The following ESD variants were observed in gnomAD, a reference collection of about 807,000 sequenced individuals.
ESD encodes the protein esterase D, also known as S-formylglutathione hydrolase.
Under a neutral mutation model 38.1 loss-of-function variants are expected in ESD, and 34 were observed. That is an observed-to-expected ratio of 0.89 (90% confidence interval 0.68 to 1.19). The LOEUF (loss-of-function observed/expected upper bound fraction) is 1.19, where lower values mean the gene tolerates loss of function less well. Ranked by LOEUF, ESD falls within the 50% of genes most tolerant of loss-of-function variation. ESD has a pLI of 0.00. For synonymous variants in ESD, 97 were observed against 107.0 expected (o/e 0.91, Z 0.58); for missense variants, 334 against 327.2 (o/e 1.02, Z -0.16).
At position 46,780,890 on chromosome 13, in the gene ESD, G is replaced by T. The variant is rs1437758299; in HGVS notation, c.501+606C>A. The stretch of plus-strand genomic sequence containing the variant: ...CAGCCCTGTAAATTTAAAGGCAGAA[G>T]AAATTTTAAGATGCTAGTTGCTTTA... On this transcript the variant is annotated intron_variant, in intron 7 of 9. Transcript: ENST00000378720. Among the ~76,000 whole-genome samples the T allele has an allele frequency of 1.1e-4, 17 of 151,826 alleles. No homozygotes were observed. In the East Asian group the frequency reaches 3.1e-3, roughly 28 times the overall value.
At position 46,784,263 on chromosome 13, in the gene ESD, T is replaced by C; in HGVS notation, c.245A>G (p.Asp82Gly). 1.2e-6 allele frequency: 2 copies of C among 1,611,422 alleles called. No homozygotes were observed. The highest frequency in any genetic ancestry group is 1.7e-6 in the Non-Finnish European group (2 of 1,178,412). The stretch of plus-strand genomic sequence containing the variant: ...CCACAAACACTTACGAGGGCTGGTA[T>C]CTGGAGCAATGACAACAAGACCATG... ...SEHGLVVIAP[D>G]TSPRGCNIKG... Residue 82 changes from aspartate (D) to glycine (G), a missense_variant, in exon 5 of 10, where the codon GAT becomes GGT. By Grantham distance (94) the Asp-to-Gly change is moderately conservative. Coordinates refer to ENST00000378720, the MANE Select transcript of ESD (RefSeq NM_001984.2).
chr13:46,789,187 T>C (rs1875304640), intron 3 of ESD, among the ~76,000 whole-genome samples: 3 of 152,250 alleles, frequency 2.0e-5, no homozygotes, highest in Admixed American at 1.3e-4. Flanking sequence ...TGATCTGTTT[T>C]CTTGGATCTT....
intron 1 of ESD, among the ~76,000 whole-genome samples, 193 bp from the exon 2 acceptor site, chr13:46,793,637 C>A: frequency 6.6e-6 from 1 of 152,230 alleles, no homozygotes; most frequent in East Asian, 1.9e-4. Context: ...TTGCCACAGG[C>A]CACCTTAATA....
intron 2 of ESD, among the ~76,000 whole-genome samples, chr13:46,793,123 C>A (rs1875453858): frequency 6.6e-6 from 1 of 151,962 alleles, no homozygotes; most frequent in South Asian, 2.1e-4. Flanking sequence ...TTTTAAAAAA[C>A]AAAGCTTTTA....
At chr13:46,796,104 C>T (rs938211143) in intron 1 of ESD, among the ~76,000 whole-genome samples, 1 of 152,014 alleles carries the variant, frequency 6.6e-6, no homozygotes, top group African/African-American at 2.4e-5. Flanking sequence ...TAATTTGGTC[C>T]CAGATTATTT....
intron 9 of ESD, 51 bp from the exon 10 acceptor site, chr13:46,771,547 G>T: frequency 8.7e-7 from 1 of 1,152,610 alleles, no homozygotes; most frequent in Non-Finnish European, 1.3e-6. Context: ...AGGAACATCA[G>T]TATTAGGAAC....
chr13:46,771,389 G>A lies in ESD; in HGVS notation c.*27C>T. 7.1e-7 allele frequency: 1 copy of A among 1,402,158 alleles called. No individual in the cohort carries two copies. The highest frequency in any genetic ancestry group is 9.9e-7 in the Non-Finnish European group (1 of 1,012,326). The allele number at this position is 1,402,158 out of a possible 1,614,324, so 86.9% of individuals were successfully genotyped here. On this transcript the variant is annotated 3_prime_UTR_variant, in exon 10 of 10. Coordinates refer to ENST00000378720, the MANE Select transcript of ESD (RefSeq NM_001984.2). ...TGCATTTTACAACTTTTATAATCCTGAAGAGATTCTCTTATTTGGAGTTTT... is the reference window on the plus strand; with the variant it reads ...TGCATTTTACAACTTTTATAATCCTAAAGAGATTCTCTTATTTGGAGTTTT...
chr13:46,777,708 G>C, intron 8 of ESD, 85 bp from the exon 9 acceptor site: 1 of 1,126,304 alleles, frequency 8.9e-7, no homozygotes. Flanking sequence ...GAAATTTAAA[G>C]TTATTTAAGC....
intron 2 of ESD, among the ~76,000 whole-genome samples, 178 bp from the exon 3 acceptor site, chr13:46,791,598 C>A (rs1875405099): frequency 6.6e-6 from 1 of 151,956 alleles, no homozygotes; most frequent in Non-Finnish European, 1.5e-5. Context: ...CTCATACATG[C>A]ATTTACACTT....
At chr13:46,776,980 C>CA (rs1874820326) in intron 9 of ESD, 1 of 151,826 alleles carries the variant, frequency 6.6e-6, no homozygotes, top group East Asian at 1.9e-4. Context: ...TATTCTTAAA[C>CA]AACTAGAAAT....
At chr13:46,791,550 T>C (rs980141899) in intron 2 of ESD, 130 bp from the exon 3 acceptor site, 3 of 638,450 alleles carry the variant, frequency 4.7e-6, no homozygotes, top group Admixed American at 6.6e-5. Flanking sequence ...TTTTTTCACA[T>C]TTTTCTCCAG....
chr13:46,786,299 G>A lies in ESD; in HGVS notation c.157+722C>T, dbSNP rs545598586. Reference sequence around the variant, plus strand: ...TTGTCCTTGATGAAACACACATGAGGGAGGATTTGTTAAATCAAAGTTACA... The same window carrying A: ...TTGTCCTTGATGAAACACACATGAGAGAGGATTTGTTAAATCAAAGTTACA... On this transcript the variant is annotated intron_variant, in intron 4 of 9. Coordinates refer to ENST00000378720, the MANE Select transcript of ESD (RefSeq NM_001984.2). Among the ~76,000 whole-genome samples the A allele has an allele frequency of 1.5e-4, 23 of 151,974 alleles. No individual in the cohort carries two copies. The East Asian group carries it at 3.1e-3, about 20-fold the overall frequency.
At chr13:46,793,762 C>A (rs1224712503) in intron 1 of ESD, among the ~76,000 whole-genome samples, 1 of 152,036 alleles carries the variant, frequency 6.6e-6, no homozygotes, top group Non-Finnish European at 1.5e-5. Context: ...AGTGTAATTT[C>A]GAAGCATGAG....
At chr13:46,789,794 C>T (rs1875325630) in intron 3 of ESD, among the ~76,000 whole-genome samples, 1 of 151,550 alleles carries the variant, frequency 6.6e-6, no homozygotes, top group Non-Finnish European at 1.5e-5. Flanking sequence ...AATGTCTAGG[C>T]TTTTTTGTAG....
At chr13:46,780,150 A>C (rs1874950620) in intron 7 of ESD, 117 bp from the exon 8 acceptor site, 1 of 640,010 alleles carries the variant, frequency 1.6e-6, no homozygotes, top group African/African-American at 1.9e-5. Context: ...AAAAATTCTG[A>C]CTTGCCATGA....
In ESD at chr13:46,782,717, C is replaced by T. The variant is rs868726203; in HGVS notation, c.331G>A (p.Glu111Lys). Reference sequence around the variant, plus strand: ...CTGTAGTTGGTTTTCCAAGGATCTTCAGTGGCATCAACATAAAATCCAGCA... The same window carrying T: ...CTGTAGTTGGTTTTCCAAGGATCTTTAGTGGCATCAACATAAAATCCAGCA... Reference protein sequence around the residue: ...TGAGFYVDATEDPWKTNYRMY... With the variant: ...TGAGFYVDATKDPWKTNYRMY... Residue 111 changes from glutamate to lysine, a missense_variant, in exon 6 of 10, where the codon GAA becomes AAA. By Grantham distance (56) the Glu-to-Lys change is moderately conservative (BLOSUM62 1). Coordinates refer to ENST00000378720, the MANE Select transcript of ESD (RefSeq NM_001984.2). 1.9e-6 allele frequency: 3 copies of T among 1,612,282 alleles called. No homozygotes were observed. The highest frequency in any genetic ancestry group is 2.5e-6 in the Non-Finnish European group (3 of 1,178,796).
intron 1 of ESD, among the ~76,000 whole-genome samples, chr13:46,794,345 T>A (rs535254720): frequency 6.6e-6 from 1 of 152,146 alleles, no homozygotes; most frequent in East Asian, 1.9e-4. Context: ...TTATTTTTTA[T>A]TTTTTGGAGA....
intron 5 of ESD, among the ~76,000 whole-genome samples, chr13:46,783,503 TATTA>T (rs751468129): frequency 2.1e-4 from 32 of 152,072 alleles, no homozygotes; most frequent in South Asian, 8.3e-4. Flanking sequence ...TTTTCCCATT[TATTA>T]AAGTCTTCGT....
chr13:46,792,178 A>T (rs1365872000), intron 2 of ESD, among the ~76,000 whole-genome samples: 2 of 152,066 alleles, frequency 1.3e-5, no homozygotes, highest in Non-Finnish European at 2.9e-5. Context: ...AATGCCTATT[A>T]AGCAAAGGGA....
Sources: gnomAD v4.1 joint callset for allele counts (sites outside exome capture counted in the v4.1 genomes callset) on GRCh38, gnomAD v4.1.1 for gene constraint, MANE v1.5 for transcripts, NCBI Gene and HGNC (gene_info 2026-07-23, HGNC 2026-07-21) for gene names.